Variants in TOPBP1 observed in about 807,000 individuals in gnomAD.
TOPBP1 encodes the protein DNA topoisomerase 2-binding protein 1.
TOPBP1 carries 28 observed loss-of-function variants against 167.7 expected under a neutral mutation model. The observed-to-expected ratio is 0.17, with a 90% CI of 0.12 to 0.23. The LOEUF is 0.23. TOPBP1 is among the 10% of genes least tolerant of loss of function. The pLI is 1.00. For synonymous variants in TOPBP1, 598 were observed against 611.4 expected (o/e 0.98, Z 0.32); for missense variants, 1,554 against 1,809.6 (o/e 0.86, Z 2.56).
At chr3:133,654,396 G>A (rs1180807684) in intron 6 of TOPBP1, among the ~76,000 whole-genome samples, 1 of 152,094 alleles carries the variant, frequency 6.6e-6, no homozygotes, top group Non-Finnish European at 1.5e-5. Context: ...GAGGAATTGA[G>A]GTCAATATGT....
At chr3:133,631,218 A>G (rs1285574056) in intron 14 of TOPBP1, among the ~76,000 whole-genome samples, 1 of 152,218 alleles carries the variant, frequency 6.6e-6, no homozygotes, top group Non-Finnish European at 1.5e-5. Flanking sequence ...GATCATCTAA[A>G]AAGTATTCTG....
chr3:133,605,950 C>A (rs768719993), intron 27 of TOPBP1, among the ~76,000 whole-genome samples: 11 of 152,094 alleles, frequency 7.2e-5, no homozygotes, highest in Non-Finnish European at 1.5e-4. Flanking sequence ...AATCCCAGTA[C>A]TTTGGGAGGC....
chr3:133,628,127 T>C (rs547684023), intron 16 of TOPBP1: 2 of 465,858 alleles, frequency 4.3e-6, no homozygotes, highest in East Asian at 7.8e-5. Context: ...AAATAGGCTC[T>C]CCAATATTTG....
chr3:133,623,212 T>C lies in TOPBP1; in HGVS notation c.3076-19A>G. 9 of 1,610,380 alleles carry C rather than the reference T, an allele frequency of 5.6e-6. No individual in the cohort carries two copies. Among genetic ancestry groups the C allele is most frequent in the South Asian group, 1.1e-5 (1 of 90,438 alleles). On this transcript the variant is annotated intron_variant, in intron 18 of 27. Transcript: ENST00000260810. ...GATCTGGCTATTGAAAAAGAAAAAT[T>C]ATAAATTCTCAAACCAAGCCACTGT...
chr3:133,623,704 A>T lies in TOPBP1; in HGVS notation c.2929-247T>A, dbSNP rs576557123. On this transcript the variant is annotated intron_variant, in intron 17 of 27. Coordinates refer to ENST00000260810, the MANE Select transcript of TOPBP1 (RefSeq NM_007027.4). Reference sequence around the variant, plus strand: ...ATTCCTGTGCTTTTGCAAAGGTATCAATTACCCTCCAGAGAATACCCAGGA... The same window carrying T: ...ATTCCTGTGCTTTTGCAAAGGTATCTATTACCCTCCAGAGAATACCCAGGA... 1.3e-4 allele frequency among the ~76,000 whole-genome samples: 20 copies of T among 152,320 alleles called. No individual in the cohort carries two copies. The South Asian group carries it at 2.1e-3, about 16-fold the overall frequency.
chr3:133,641,297 T>C (rs1404101759), intron 12 of TOPBP1, among the ~76,000 whole-genome samples: 1 of 152,206 alleles, frequency 6.6e-6, no homozygotes, highest in African/African-American at 2.4e-5. Flanking sequence ...CTACATTTGC[T>C]GTCCATTAAT....
chr3:133,645,054 G>A (rs1016595769), intron 10 of TOPBP1, among the ~76,000 whole-genome samples: 3 of 152,172 alleles, frequency 2.0e-5, no homozygotes, highest in African/African-American at 7.2e-5. Flanking sequence ...CAGTTAAGTG[G>A]CAGAAATGAG....
At chr3:133,654,667 G>A (rs1040082863) in intron 6 of TOPBP1, among the ~76,000 whole-genome samples, 2 of 152,166 alleles carry the variant, frequency 1.3e-5, no homozygotes, top group Non-Finnish European at 2.9e-5. Context: ...TATATTTTAA[G>A]AGTGCTGATA....
chr3:133,653,587 C>A, intron 6 of TOPBP1, 63 bp from the exon 7 acceptor site: 1 of 1,303,890 alleles, frequency 7.7e-7, no homozygotes. Flanking sequence ...AAAACCATTA[C>A]AATCTATCTT....
rs558754170 is a variant in TOPBP1, at chr3:133,628,436, T to C, written c.2730A>G (p.Val910=). 1 of 1,611,430 alleles carries C rather than the reference T, an allele frequency of 6.2e-7. No homozygotes were observed. The highest frequency in any genetic ancestry group is 1.1e-5 in the South Asian group (1 of 90,318). The change falls in exon 16 of 28, where the codon GTA becomes GTG. Residue 910 remains valine (V), a synonymous_variant. Coordinates refer to ENST00000260810, the MANE Select transcript of TOPBP1 (RefSeq NM_007027.4). ...TCTTACTGAGTTTTTTACTAACACA[T>C]ACCACTACTTTGTGAAGTGGCTTTG... ...EAPKPLHKVV[V]CVSKKLSKKQ... is the part of the protein sequence containing the mutation.
intron 16 of TOPBP1, 89 bp from the exon 17 acceptor site, chr3:133,624,264 C>A (rs1576292135): frequency 6.8e-7 from 1 of 1,461,160 alleles, no homozygotes; most frequent in East Asian, 2.3e-5. Context: ...ACAGAATATT[C>A]TGACCTTCCC....
chr3:133,649,476 T>C lies in TOPBP1; in HGVS notation c.1411A>G (p.Ser471Gly). The change falls in exon 10 of 28, where the codon AGC becomes GGC. Residue 471 changes from serine to glycine, a missense_variant. Ser to Gly is a moderately conservative substitution (Grantham distance 56). This residue lies in a region of TOPBP1 where 1,197 missense variants were observed against 1,351.5 expected (regional missense o/e 0.89). Coordinates refer to ENST00000260810, the MANE Select transcript of TOPBP1 (RefSeq NM_007027.4). Reference protein sequence around the residue: ...KAALLKKKNSSFSKKDFAPSE... With the variant: ...KAALLKKKNSGFSKKDFAPSE... ...GGAGCAAAGTCTTTCTTAGAGAAGC[T>C]GCTGTTCTTCTTTTTTAAAAGAGCT... 6 of 1,613,948 alleles carry C rather than the reference T, an allele frequency of 3.7e-6. No individual in the cohort carries two copies. Among genetic ancestry groups the C allele is most frequent in the Non-Finnish European group, 5.1e-6 (6 of 1,179,884 alleles).
At chr3:133,613,985 G>A (rs1261763512) in intron 23 of TOPBP1, among the ~76,000 whole-genome samples, 1 of 151,884 alleles carries the variant, frequency 6.6e-6, no homozygotes, top group Non-Finnish European at 1.5e-5. Flanking sequence ...TAGAGACGGG[G>A]TTTCACCATG....
intron 20 of TOPBP1, among the ~76,000 whole-genome samples, chr3:133,619,005 T>C (rs1370183297): frequency 6.6e-6 from 1 of 151,662 alleles, no homozygotes; most frequent in Non-Finnish European, 1.5e-5. Context: ...GCGATTGTAA[T>C]GATTCCACGT....
In TOPBP1 at chr3:133,628,766, AAAG is replaced by A. The variant is rs778691250; in HGVS notation, c.2521-36_2521-34del. 14 of 1,545,286 alleles carry A rather than the reference AAAG, an allele frequency of 9.1e-6. No homozygotes were observed. In the South Asian group the frequency reaches 1.6e-4, roughly 17 times the overall value. ...TATGAAGGAGAGAGAGAGATGGAGA[AAAG>A]AAGAGAGAGAGAGAGAAGCAAGATG... On this transcript the variant is annotated intron_variant, in intron 14 of 27. Transcript: ENST00000260810.
intron 2 of TOPBP1, 54 bp from the exon 3 acceptor site, chr3:133,659,204 G>GTCCT (rs1936593831): frequency 3.4e-6 from 5 of 1,461,002 alleles, no homozygotes; most frequent in Non-Finnish European, 4.5e-6. Context: ...CTGTATTTAG[G>GTCCT]TCCTATTCAA....
chr3:133,649,627 A>G lies in TOPBP1; in HGVS notation c.1260T>C (p.His420=), dbSNP rs181656766. The change falls in exon 10 of 28, where the codon CAT becomes CAC. Residue 420 remains histidine (H), a synonymous_variant. Transcript: ENST00000260810. ...CTAGCAACCACTTTGCTCCCACTAC[A>G]TGAGGCCTACAAAAATAGCACATAG... ...QFWNKSAHRP[H]VVGAKWLLEC... 3.5e-5 allele frequency: 57 copies of G among 1,613,120 alleles called. No individual in the cohort carries two copies. The Admixed American group carries it at 7.7e-4, about 22-fold the overall frequency.
At position 133,628,380 on chromosome 3, in the gene TOPBP1, G is replaced by C; in HGVS notation, c.2786C>G (p.Ser929Cys). 1.9e-6 allele frequency: 3 copies of C among 1,602,804 alleles called. No individual in the cohort carries two copies. Among genetic ancestry groups the C allele is most frequent in the Non-Finnish European group, 2.6e-6 (3 of 1,174,098 alleles). Residue 929 changes from serine (S) to cysteine (C), a missense_variant, in exon 16 of 28, where the codon TCT (serine) becomes TGT (cysteine). By Grantham distance (112) the Ser-to-Cys change is moderately radical. Around this residue, in one of 3 missense-constraint regions of TOPBP1, gnomAD observed 1,197 missense variants for 1,351.5 expected, o/e 0.89. Coordinates refer to ENST00000260810, the MANE Select transcript of TOPBP1 (RefSeq NM_007027.4). ...KQSELNGIAA[S>C]LGADYRWSFD... is the part of the protein sequence containing the mutation. ...CAACTACCTGTAATCTGCTCCTAGAGAGGCTGCGATCCCATTTAGTTCACT... is the reference window on the plus strand; with the variant it reads ...CAACTACCTGTAATCTGCTCCTAGACAGGCTGCGATCCCATTTAGTTCACT...
intron 10 of TOPBP1, among the ~76,000 whole-genome samples, 160 bp downstream of exon 10, chr3:133,649,222 TG>T (rs1936194182): frequency 6.6e-6 from 1 of 152,216 alleles, no homozygotes; most frequent in South Asian, 2.1e-4. Context: ...AGGACCCTCT[TG>T]TCTTGCCTGC....
Sources: allele counts gnomAD v4.1 joint callset (sites outside exome capture counted in the v4.1 genomes callset), GRCh38; gene constraint gnomAD v4.1.1; regional missense constraint gnomAD v4.1.1; transcripts MANE v1.5; gene names NCBI Gene and HGNC (gene_info 2026-07-23, HGNC 2026-07-21).